Variants in BMPR1B observed in about 807,000 individuals in gnomAD.
BMPR1B encodes bone morphogenetic protein receptor type-1B.
Under a neutral mutation model 59.1 loss-of-function variants are expected in BMPR1B, and 12 were observed. The ratio of observed to expected loss-of-function variants is 0.20; its 90% CI spans 0.13 to 0.33. The LOEUF (loss-of-function observed/expected upper bound fraction) is 0.33, where lower values mean the gene tolerates loss of function less well. Among genes scored for constraint, BMPR1B ranks in the 10% least tolerant of loss-of-function variants. The pLI, the probability that BMPR1B is intolerant of heterozygous loss-of-function variation, is 1.00. For missense variants in BMPR1B, 550 were observed against 610.9 expected, an observed-to-expected ratio of 0.90 and a Z score of 1.05; for synonymous variants, 237 against 207.3, an observed-to-expected ratio of 1.14 and a Z score of -1.23.
At chr4:94,800,789 T>C (rs1011495613) in intron 1 of BMPR1B, among the ~76,000 whole-genome samples, 10 of 152,350 alleles carry the variant, frequency 6.6e-5, no homozygotes, top group African/African-American at 2.4e-4. Context: ...GGTGATATTA[T>C]TACTCATGAT....
At position 94,793,464 on chromosome 4, in the gene BMPR1B, GC is replaced by G. The variant is rs1723061330; in HGVS notation, c.-183+35398del. On this transcript the variant is annotated intron_variant, in intron 1 of 12. Transcript: ENST00000515059. Reference sequence around the variant, plus strand: ...CCAAGTCTTTGCTATCGTGAATAATGCCGCAATAAACATACGGGTGCATGTG... The same window carrying G: ...CCAAGTCTTTGCTATCGTGAATAATGCGCAATAAACATACGGGTGCATGTG... Among the ~76,000 whole-genome samples, 2 of 151,198 alleles carry G rather than the reference GC, an allele frequency of 1.3e-5. 1 individual carries two copies. Among genetic ancestry groups the G allele is most frequent in the Admixed American group, 1.3e-4 (2 of 15,226 alleles).
chr4:94,907,496 G>A (rs760350386), intron 2 of BMPR1B, among the ~76,000 whole-genome samples: 3 of 151,882 alleles, frequency 2.0e-5, no homozygotes, highest in Admixed American at 6.6e-5. Flanking sequence ...GCATATGCTC[G>A]GTCCTTTCTG....
At chr4:94,904,451 G>A (rs1208057398) in intron 2 of BMPR1B, among the ~76,000 whole-genome samples, 3 of 151,972 alleles carry the variant, frequency 2.0e-5, no homozygotes, top group Admixed American at 1.3e-4. Flanking sequence ...TATTAAATTT[G>A]CTGAAATTAC....
chr4:94,921,475 T>C (rs1264444367), intron 2 of BMPR1B, among the ~76,000 whole-genome samples: 1 of 152,096 alleles, frequency 6.6e-6, no homozygotes, highest in African/African-American at 2.4e-5. Context: ...AGGGAGCTTT[T>C]ATCTGTGGTG....
intron 1 of BMPR1B, among the ~76,000 whole-genome samples, chr4:94,774,753 G>A (rs6838436): frequency 0.31 from 47,412 of 151,574 alleles, 8,067 homozygotes; most frequent in African/African-American, 0.45. Context: ...TTGTTAGTGT[G>A]CTTCCATCCT....
At chr4:94,945,528 G>T (rs1373552749) in intron 2 of BMPR1B, among the ~76,000 whole-genome samples, 2 of 152,046 alleles carry the variant, frequency 1.3e-5, no homozygotes, top group Admixed American at 1.3e-4. Context: ...TCTAACCCTG[G>T]CTCAAGGGAT....
chr4:94,922,503 T>G (rs1728742081), intron 2 of BMPR1B, among the ~76,000 whole-genome samples: 1 of 152,202 alleles, frequency 6.6e-6, no homozygotes, highest in African/African-American at 2.4e-5. Flanking sequence ...TTCAATAGTC[T>G]GTTGATAATG....
intron 3 of BMPR1B, among the ~76,000 whole-genome samples, chr4:95,031,850 C>G (rs913142202): frequency 1.3e-5 from 2 of 151,990 alleles, no homozygotes; most frequent in African/African-American, 4.8e-5. Context: ...TTGCTTGAGC[C>G]CAGGAGTTCA....
intron 2 of BMPR1B, among the ~76,000 whole-genome samples, chr4:94,924,103 G>C (rs1728799146): frequency 6.6e-6 from 1 of 152,010 alleles, no homozygotes; most frequent in Admixed American, 6.6e-5. Context: ...TTTTTTCCCT[G>C]CTACTTGACA....
rs891050205 is a variant in BMPR1B, at chr4:95,059,366, G to A, written c.-17-45042G>A. On this transcript the variant is annotated intron_variant, in intron 3 of 12. Transcript: ENST00000515059. ...GGATTATTACAATTTATTGAAATCA[G>A]ACAGTATCACTAAATATTTCCTACT... Among the ~76,000 whole-genome samples the A allele has an allele frequency of 3.3e-5, 5 of 152,240 alleles. No homozygotes were observed. In the East Asian group the frequency reaches 9.6e-4, roughly 29 times the overall value.
chr4:94,893,099 G>A (rs1226704119), intron 2 of BMPR1B, among the ~76,000 whole-genome samples: 1 of 151,860 alleles, frequency 6.6e-6, no homozygotes, highest in Non-Finnish European at 1.5e-5. Context: ...TCACTAACTT[G>A]TATTAGCAAA....
At chr4:94,800,357 G>A (rs1025442737) in intron 1 of BMPR1B, among the ~76,000 whole-genome samples, 19 of 152,076 alleles carry the variant, frequency 1.2e-4, no homozygotes, top group African/African-American at 4.1e-4. Flanking sequence ...GTAAAACAGG[G>A]ATTGGTAAAT....
chr4:95,140,210 A>T (rs1348575609), intron 10 of BMPR1B, among the ~76,000 whole-genome samples: 1 of 152,188 alleles, frequency 6.6e-6, no homozygotes, highest in African/African-American at 2.4e-5. Context: ...TTGAAAGTAG[A>T]TAACATGCAT....
At chr4:95,002,857 G>A (rs1175044560) in intron 3 of BMPR1B, among the ~76,000 whole-genome samples, 2 of 152,086 alleles carry the variant, frequency 1.3e-5, no homozygotes, top group Admixed American at 6.5e-5. Context: ...ATAGAGGAAA[G>A]TGATATTTAA....
chr4:94,770,252 A>G (rs1451283038), intron 1 of BMPR1B, among the ~76,000 whole-genome samples: 1 of 134,384 alleles, frequency 7.4e-6, no homozygotes, highest in Non-Finnish European at 1.6e-5. Flanking sequence ...ATATTTTTGG[A>G]GAGCTAGTCT....
chr4:94,960,664 G>C lies in BMPR1B; in HGVS notation c.-112-35376G>C, dbSNP rs1730318440. 2.0e-5 allele frequency among the ~76,000 whole-genome samples: 3 copies of C among 151,940 alleles called. No individual in the cohort carries two copies. The South Asian group carries it at 6.2e-4, about 31-fold the overall frequency. ...CAGAAGGAAAACAGTTTATTGAGTA[G>C]CTTTCAGCCAATAAGGAATTTTATA... On this transcript the variant is annotated intron_variant, in intron 2 of 12. Transcript: ENST00000515059.
intron 1 of BMPR1B, among the ~76,000 whole-genome samples, chr4:94,804,931 AT>A (rs2110628676): frequency 6.6e-6 from 1 of 152,292 alleles, no homozygotes; most frequent in African/African-American, 2.4e-5. Flanking sequence ...AGAGTATAAT[AT>A]TAATACTATT....
At chr4:94,949,538 G>A (rs1729850469) in intron 2 of BMPR1B, among the ~76,000 whole-genome samples, 1 of 111,238 alleles carries the variant, frequency 9.0e-6, no homozygotes, top group Admixed American at 8.4e-5. Context: ...GGATGGTCTC[G>A]ATCTCCTGAC....
At chr4:94,786,701 G>A (rs1413800005) in intron 1 of BMPR1B, among the ~76,000 whole-genome samples, 1 of 144,914 alleles carries the variant, frequency 6.9e-6, no homozygotes, top group Admixed American at 6.7e-5. Flanking sequence ...ACCATGCCTG[G>A]TTAATTTTTT....
Sources: gnomAD v4.1 joint callset for allele counts (sites outside exome capture counted in the v4.1 genomes callset) on GRCh38, gnomAD v4.1.1 for gene constraint, MANE v1.5 for transcripts, NCBI Gene and HGNC (gene_info 2026-07-23, HGNC 2026-07-21) for gene names.